SPON1: variants seen among roughly 807,000 people sequenced by gnomAD.
SPON1 encodes the protein spondin-1.
SPON1 carries 52 observed loss-of-function variants against 111.7 expected under a neutral mutation model. The observed-to-expected ratio is 0.47, with a 90% CI of 0.37 to 0.59. The LOEUF is 0.59. Ranked by LOEUF, SPON1 falls within the 20% of genes least tolerant of loss-of-function variation. The probability of loss-of-function intolerance (pLI) is 0.00; values close to 1 mark genes in which losing one functional copy is unlikely to be tolerated. For synonymous variants in SPON1, 410 were observed against 395.8 expected, an observed-to-expected ratio of 1.04 and a Z score of -0.43; for missense variants, 957 against 1,068.5, an observed-to-expected ratio of 0.90 and a Z score of 1.46.
At chr11:14,128,397 A>G (rs564252842) in intron 5 of SPON1, among the ~76,000 whole-genome samples, 2 of 152,246 alleles carry the variant, frequency 1.3e-5, no homozygotes, top group East Asian at 3.8e-4. Context: ...CAAGGCAGTC[A>G]TTAAATCTTA....
intron 1 of SPON1, among the ~76,000 whole-genome samples, chr11:13,981,279 C>G (rs72856939): frequency 0.074 from 11,300 of 152,194 alleles, 522 homozygotes; most frequent in Middle Eastern, 0.14. Flanking sequence ...GGATGGAGGA[C>G]CATGATTGCC....
chr11:14,120,286 C>T (rs1181258292), intron 5 of SPON1, among the ~76,000 whole-genome samples: 34 of 152,162 alleles, frequency 2.2e-4, no homozygotes, highest in Admixed American at 2.2e-3. Context: ...ACTTAAAGAG[C>T]CTCCAACCCT....
intron 6 of SPON1, among the ~76,000 whole-genome samples, chr11:14,229,174 A>T (rs1848769247): frequency 1.3e-5 from 2 of 152,234 alleles, no homozygotes; most frequent in Admixed American, 1.3e-4. Context: ...TGGGAATAAA[A>T]ACTTGATTGA....
At chr11:14,246,712 C>A (rs1359942047) in intron 7 of SPON1, among the ~76,000 whole-genome samples, 7 of 152,134 alleles carry the variant, frequency 4.6e-5, no homozygotes, top group African/African-American at 1.7e-4. Context: ...GTGCTTAGGG[C>A]AACTGTGGTG....
At chr11:14,125,386 A>G (rs965229810) in intron 5 of SPON1, among the ~76,000 whole-genome samples, 5 of 152,228 alleles carry the variant, frequency 3.3e-5, no homozygotes, top group Non-Finnish European at 7.3e-5. Context: ...AGAAGAGTTA[A>G]GTGACCAGTT....
intron 4 of SPON1, among the ~76,000 whole-genome samples, chr11:14,079,569 G>A (rs868992816): frequency 5.9e-5 from 9 of 152,116 alleles, no homozygotes; most frequent in African/African-American, 1.2e-4. Context: ...ACCAGGATCC[G>A]GAAAGGATGA....
At chr11:14,104,621 A>G (rs1554924729) in intron 5 of SPON1, among the ~76,000 whole-genome samples, 1 of 152,034 alleles carries the variant, frequency 6.6e-6, no homozygotes, top group Admixed American at 6.6e-5. Context: ...TTATTCTAAC[A>G]ATTTTCCTAA....
chr11:14,043,657 A>T (rs1554917556), intron 3 of SPON1, among the ~76,000 whole-genome samples: 1 of 152,196 alleles, frequency 6.6e-6, no homozygotes, highest in African/African-American at 2.4e-5. Flanking sequence ...TGTCAGATCT[A>T]TGTGAGGAGC....
chr11:14,023,495 A>G (rs1031817552), intron 2 of SPON1, among the ~76,000 whole-genome samples: 1 of 152,222 alleles, frequency 6.6e-6, no homozygotes, highest in African/African-American at 2.4e-5. Flanking sequence ...TCGTGCTACA[A>G]CTATATCAAC....
Position 13,962,822 on chromosome 11 carries a change from G to A in SPON1, c.-83G>A, listed in dbSNP as rs536303056. On this transcript the variant is annotated 5_prime_UTR_variant, in exon 1 of 16. Coordinates refer to ENST00000576479, the MANE Select transcript of SPON1 (RefSeq NM_006108.4). Reference sequence around the variant, plus strand: ...CCTCTCTCCGCCGCGCCTCCGCCAGGTCGCGCCTTCGTCGGGACCACTTCG... The same window carrying A: ...CCTCTCTCCGCCGCGCCTCCGCCAGATCGCGCCTTCGTCGGGACCACTTCG... 44 of 1,290,924 alleles carry A rather than the reference G, an allele frequency of 3.4e-5. No individual in the cohort carries two copies. In the South Asian group the frequency reaches 6.8e-4, roughly 20 times the overall value. 80.0% of individuals were successfully genotyped at this position (1,290,924 alleles called of 1,614,324 possible). A position where few individuals can be genotyped will look rare whatever the true frequency, so the allele number is the denominator to read the frequency against.
intron 6 of SPON1, among the ~76,000 whole-genome samples, chr11:14,167,517 AT>A (rs71041586): frequency 1 from 152,179 of 152,180 alleles, 76,089 homozygotes; most frequent in Middle Eastern, 1. Context: ...AAACAAAACC[AT>A]TTTCATTATC....
rs1190285940 is a variant in SPON1, at chr11:14,228,020, A to G, written c.826-15312A>G. Among the ~76,000 whole-genome samples the G allele has an allele frequency of 6.6e-6, 1 of 152,246 alleles. No individual in the cohort carries two copies. The highest frequency in any genetic ancestry group is 2.4e-5 in the African/African-American group (1 of 41,460). The stretch of plus-strand genomic sequence containing the variant: ...TCTCTTAAGATGATAAAAACAAAAT[A>G]GTGATACTAATAATAACACAAATAA... On this transcript the variant is annotated intron_variant, in intron 6 of 15. Transcript: ENST00000576479. This position sits in a 1 kb window ranked among gnomAD's most constrained non-coding sequence, Gnocchi z 4.2.
intron 1 of SPON1, among the ~76,000 whole-genome samples, chr11:13,980,934 G>A (rs949783504): frequency 7.2e-5 from 11 of 152,072 alleles, no homozygotes; most frequent in Non-Finnish European, 1.5e-4. Context: ...TTTCCTATCC[G>A]TGAAATTGGA....
At chr11:13,979,392 TC>T (rs1421128352) in intron 1 of SPON1, among the ~76,000 whole-genome samples, 1 of 152,168 alleles carries the variant, frequency 6.6e-6, no homozygotes, top group Non-Finnish European at 1.5e-5. Flanking sequence ...GAGTTCACAT[TC>T]CCAAGTATGG....
intron 9 of SPON1, 110 bp downstream of exon 9, chr11:14,255,897 G>T: frequency 8.3e-7 from 1 of 1,206,884 alleles, no homozygotes; most frequent in South Asian, 1.7e-5. Context: ...AAGCACCTCA[G>T]GATATGGAAT....
At chr11:14,105,852 C>A (rs1288247676) in intron 5 of SPON1, among the ~76,000 whole-genome samples, 1 of 152,196 alleles carries the variant, frequency 6.6e-6, no homozygotes, top group African/African-American at 2.4e-5. Context: ...CTAAATAACA[C>A]ACACCTGTAT....
At chr11:14,020,080 G>A (rs931197832) in intron 2 of SPON1, among the ~76,000 whole-genome samples, 1 of 152,080 alleles carries the variant, frequency 6.6e-6, no homozygotes, top group Non-Finnish European at 1.5e-5. Flanking sequence ...AAACAAATAG[G>A]GTCTTTTAGC....
rs368731526 is a variant in SPON1 at position 14,259,710 on chromosome 11, G to A, written c.1831+9G>A. 2.6e-6 allele frequency: 4 copies of A among 1,567,108 alleles called. No individual in the cohort carries two copies. Among genetic ancestry groups the A allele is most frequent in the African/African-American group, 2.7e-5 (2 of 73,992 alleles). ...CATGATGCCAGAGTGCCGTGAGTGA[G>A]AGCGGGGGTGGACTTGGAGGAGGCC... is the stretch of plus-strand genomic sequence containing the variant. On this transcript the variant is annotated intron_variant, in intron 13 of 15. Coordinates refer to ENST00000576479, the MANE Select transcript of SPON1 (RefSeq NM_006108.4). This position sits in a 1 kb window ranked among gnomAD's most constrained non-coding sequence, Gnocchi z 5.0.
intron 2 of SPON1, among the ~76,000 whole-genome samples, chr11:14,002,316 G>T (rs1418430146): frequency 1.3e-5 from 2 of 152,056 alleles, no homozygotes; most frequent in East Asian, 3.9e-4. Context: ...CTGATTCTGT[G>T]CACCTAAGGG....
Sources: gnomAD v4.1 joint callset for allele counts (sites outside exome capture counted in the v4.1 genomes callset) on GRCh38, gnomAD v4.1.1 for gene constraint, Gnocchi (gnomAD v3.1) non-coding constraint, MANE v1.5 for transcripts, NCBI Gene and HGNC (gene_info 2026-07-23, HGNC 2026-07-21) for gene names.